ANKRD11: variants seen among roughly 807,000 people sequenced by gnomAD.
The protein encoded by ANKRD11 is ankyrin repeat domain-containing protein 11.
A neutral mutation model predicts 195.7 loss-of-function variants in ANKRD11; 17 were observed. The ratio of observed to expected loss-of-function variants is 0.09; its 90% CI spans 0.06 to 0.13. The LOEUF (loss-of-function observed/expected upper bound fraction) is 0.13. ANKRD11 is among the 10% of genes least tolerant of loss of function. ANKRD11 has a pLI of 1.00. For synonymous variants in ANKRD11, 1,953 were observed against 1,528.1 expected (o/e 1.28, Z -6.49); for missense variants, 3,735 against 3,566.1 (o/e 1.05, Z -1.21).
At chr16:89,428,313 C>G (rs764787365) in intron 1 of ANKRD11, among the ~76,000 whole-genome samples, 1 of 152,102 alleles carries the variant, frequency 6.6e-6, no homozygotes, top group Non-Finnish European at 1.5e-5. Context: ...ATCAGAAGGT[C>G]AGGAGATCGA....
intron 1 of ANKRD11, among the ~76,000 whole-genome samples, chr16:89,462,174 C>T (rs950080561): frequency 7.9e-5 from 12 of 152,146 alleles, no homozygotes; most frequent in African/African-American, 2.7e-4. Flanking sequence ...CACTGCAACC[C>T]CCCTGCCTGA....
At chr16:89,427,260 A>C (rs913320081) in intron 1 of ANKRD11, among the ~76,000 whole-genome samples, 1 of 152,256 alleles carries the variant, frequency 6.6e-6, no homozygotes, top group African/African-American at 2.4e-5. Context: ...AAAGAAACCG[A>C]AGACCTAAAT....
chr16:89,302,326 C>A (rs190528483), intron 4 of ANKRD11, among the ~76,000 whole-genome samples: 35 of 152,338 alleles, frequency 2.3e-4, no homozygotes, highest in Admixed American at 1.2e-3. Flanking sequence ...AATCTTGGCT[C>A]ACTGCAACCT....
intron 2 of ANKRD11, among the ~76,000 whole-genome samples, chr16:89,336,768 A>T (rs2038376384): frequency 6.6e-6 from 1 of 152,278 alleles, no homozygotes; most frequent in Admixed American, 6.5e-5. Context: ...ACTACATGAG[A>T]GATGATAAAA....
intron 1 of ANKRD11, among the ~76,000 whole-genome samples, chr16:89,453,242 T>C (rs1364021156): frequency 6.6e-6 from 1 of 152,216 alleles, no homozygotes; most frequent in African/African-American, 2.4e-5. Context: ...TTCTCTGACA[T>C]TAAATTTTGT....
At chr16:89,463,970 G>A (rs917643996) in intron 1 of ANKRD11, among the ~76,000 whole-genome samples, 1 of 152,212 alleles carries the variant, frequency 6.6e-6, no homozygotes, top group Admixed American at 6.5e-5. Context: ...CAGGCACAGT[G>A]GTTCACACCT....
In ANKRD11 at chr16:89,439,007, CA is replaced by C. The variant is rs1156574287; in HGVS notation, c.-144-20640del. ...ACCCTGCCTCAAACAAAAACAGAAA[CA>C]AAAACAAACAAAAATTTTAACCTTT... On this transcript the variant is annotated intron_variant, in intron 1 of 12. Coordinates refer to ENST00000301030, the MANE Select transcript of ANKRD11 (RefSeq NM_013275.6). Among the ~76,000 whole-genome samples, 10 of 148,066 alleles carry C rather than the reference CA, an allele frequency of 6.8e-5. No homozygotes were observed. The East Asian group carries it at 2.0e-3, about 30-fold the overall frequency.
chr16:89,361,632 G>A (rs1433090823), intron 2 of ANKRD11: 3 of 152,268 alleles, frequency 2.0e-5, no homozygotes, highest in Non-Finnish European at 4.4e-5. Context: ...TCTGAGGGCA[G>A]TGGGACTGCC....
intron 2 of ANKRD11, among the ~76,000 whole-genome samples, chr16:89,331,858 T>G (rs1410030498): frequency 6.6e-6 from 1 of 152,190 alleles, no homozygotes; most frequent in Non-Finnish European, 1.5e-5. Flanking sequence ...GATGCAATGG[T>G]GTGGACTCGG....
intron 1 of ANKRD11, among the ~76,000 whole-genome samples, chr16:89,467,877 T>C (rs147655371): frequency 3.4e-4 from 51 of 152,184 alleles, no homozygotes; most frequent in Non-Finnish European, 6.0e-4. Flanking sequence ...CTCAGCTCAC[T>C]GCAACCTCTG....
rs1288521136 is a variant in ANKRD11, at chr16:89,268,376, C to T, written c.*102G>A. On this transcript the variant is annotated 3_prime_UTR_variant, in exon 13 of 13. Transcript: ENST00000301030. ...TGCAGTCTCTCTCGGGGTCTCTCCC[C>T]GCCCGGGTGGACAGGGCGCTCCCTC... The T allele has an allele frequency of 2.1e-5, 12 of 571,668 alleles. No homozygotes were observed. Among genetic ancestry groups the T allele is most frequent in the East Asian group, 1.2e-4 (4 of 34,068 alleles). The allele number at this position is 571,668 out of a possible 1,614,324, so 35.4% of individuals were successfully genotyped here.
intron 2 of ANKRD11, among the ~76,000 whole-genome samples, chr16:89,384,879 C>CTTTTCTTTTTTTT (rs2040833414): frequency 2.0e-5 from 1 of 49,910 alleles, no homozygotes; most frequent in African/African-American, 7.9e-5. Context: ...AAATAGTTTT[C>CTTTTCTTTTTTTT]TTTTTTTTTT....
Position 89,407,827 on chromosome 16 carries a change from G to C in ANKRD11, c.-60+10457C>G, listed in dbSNP as rs565139032. 7.3e-4 allele frequency among the ~76,000 whole-genome samples: 101 copies of C among 139,070 alleles called. 1 individual carries two copies. The highest frequency in any genetic ancestry group is 4.5e-3 in the Middle Eastern group (1 of 224). 91.2% of individuals were successfully genotyped at this position (139,070 alleles called of 152,430 possible). On this transcript the variant is annotated intron_variant, in intron 2 of 12. Coordinates refer to ENST00000301030, the MANE Select transcript of ANKRD11 (RefSeq NM_013275.6). ...ATCCGGCCACTGCACTCCCACCTGA[G>C]TGAGAGTCAGATCCTGTCTCCCTCC...
intron 2 of ANKRD11, among the ~76,000 whole-genome samples, chr16:89,390,842 G>A (rs896422969): frequency 4.6e-5 from 7 of 152,154 alleles, no homozygotes; most frequent in African/African-American, 9.7e-5. Flanking sequence ...CCTGCCCTCC[G>A]CATCTGACTG....
At chr16:89,323,166 G>A (rs1457505082) in intron 2 of ANKRD11, 1 of 452,574 alleles carries the variant, frequency 2.2e-6, no homozygotes, top group African/African-American at 2.1e-5. Context: ...GCTGCGTCAG[G>A]AGTGGTGCCT....
At chr16:89,275,031 TG>T in intron 10 of ANKRD11, 61 bp downstream of exon 10, 3 of 1,612,906 alleles carry the variant, frequency 1.9e-6, no homozygotes, top group Non-Finnish European at 2.5e-6. Flanking sequence ...CGACAGCCCC[TG>T]GGGCCTGCGC....
intron 2 of ANKRD11, among the ~76,000 whole-genome samples, chr16:89,399,172 C>A (rs2041589607): frequency 6.6e-6 from 1 of 152,132 alleles, no homozygotes; most frequent in Admixed American, 6.5e-5. Flanking sequence ...CGCAAGGACA[C>A]CTCCTCATCA....
At chr16:89,311,085 A>AT (rs2036584476) in intron 3 of ANKRD11, among the ~76,000 whole-genome samples, 1 of 152,116 alleles carries the variant, frequency 6.6e-6, no homozygotes, top group Admixed American at 6.6e-5. Flanking sequence ...AGTTTGCAGA[A>AT]TTTTTTTTAA....
chr16:89,312,113 G>GTCTCGAAC (rs2036637569), intron 3 of ANKRD11, among the ~76,000 whole-genome samples: 1 of 152,204 alleles, frequency 6.6e-6, no homozygotes. Flanking sequence ...GGCCAGGCTG[G>GTCTCGAAC]TCTCGAACTC....
Sources: allele counts gnomAD v4.1 joint callset (sites outside exome capture counted in the v4.1 genomes callset), GRCh38; gene constraint gnomAD v4.1.1; transcripts MANE v1.5; gene names NCBI Gene and HGNC (gene_info 2026-07-23, HGNC 2026-07-21).